DENND1A: variants seen among roughly 807,000 people sequenced by gnomAD.
The protein encoded by DENND1A is DENN domain containing 1A.
A neutral mutation model predicts 113.7 loss-of-function variants in DENND1A; 51 were observed. The ratio of observed to expected loss-of-function variants is 0.45; its 90% CI spans 0.36 to 0.57. DENND1A has a LOEUF of 0.57. DENND1A is among the 20% of genes least tolerant of loss of function. DENND1A has a pLI of 0.00. For synonymous variants in DENND1A, 565 were observed against 570.8 expected (o/e 0.99, Z 0.14); for missense variants, 1,258 against 1,395.9 (o/e 0.90, Z 1.57).
intron 13 of DENND1A, among the ~76,000 whole-genome samples, chr9:123,493,553 A>C (rs1363264829): frequency 6.6e-6 from 1 of 151,968 alleles, no homozygotes; most frequent in Non-Finnish European, 1.5e-5. Flanking sequence ...GATGTCAGAC[A>C]CTCCTTCATC....
At chr9:123,607,555 T>A (rs1334106324) in intron 11 of DENND1A, among the ~76,000 whole-genome samples, 46 of 130,216 alleles carry the variant, frequency 3.5e-4, no homozygotes, top group Non-Finnish European at 5.8e-4. Context: ...AGAGTGTGTG[T>A]GTGTGTGTGT....
At chr9:123,747,965 G>A (rs755557457) in intron 5 of DENND1A, among the ~76,000 whole-genome samples, 31 of 151,138 alleles carry the variant, frequency 2.1e-4, no homozygotes, top group Admixed American at 7.9e-4. Flanking sequence ...CACATGTTAA[G>A]ATAAAAAAAA....
At chr9:123,397,947 C>A (rs370600948) in intron 21 of DENND1A, among the ~76,000 whole-genome samples, 1 of 152,152 alleles carries the variant, frequency 6.6e-6, no homozygotes, top group South Asian at 2.1e-4. Flanking sequence ...CCAGTCAAGA[C>A]CCTCGTGTGA....
chr9:123,729,860 A>G (rs977192366), intron 5 of DENND1A, among the ~76,000 whole-genome samples: 4 of 152,216 alleles, frequency 2.6e-5, no homozygotes, highest in African/African-American at 9.6e-5. Flanking sequence ...TTCAAACTAT[A>G]CTATAAGGCT....
At chr9:123,447,151 C>A (rs1197025015) in intron 18 of DENND1A, among the ~76,000 whole-genome samples, 4 of 152,232 alleles carry the variant, frequency 2.6e-5, no homozygotes, top group African/African-American at 9.6e-5. Flanking sequence ...GCACTACACT[C>A]TTCCTTAGAA....
At chr9:123,592,319 C>T (rs1367575584) in intron 11 of DENND1A, among the ~76,000 whole-genome samples, 2 of 152,178 alleles carry the variant, frequency 1.3e-5, no homozygotes, top group Non-Finnish European at 2.9e-5. Flanking sequence ...TACCACCAAG[C>T]GATTGTTCTT....
intron 18 of DENND1A, among the ~76,000 whole-genome samples, chr9:123,447,432 A>G (rs547014657): frequency 6.6e-6 from 1 of 152,344 alleles, no homozygotes; most frequent in African/African-American, 2.4e-5. Context: ...AATCTGCAGC[A>G]CAAATGAACA....
chr9:123,532,690 G>A (rs1389205574), intron 13 of DENND1A, among the ~76,000 whole-genome samples: 1 of 152,144 alleles, frequency 6.6e-6, no homozygotes, highest in Non-Finnish European at 1.5e-5. Flanking sequence ...TTACCCAACT[G>A]CCCTTAAAAT....
chr9:123,704,028 G>C (rs902405468), intron 5 of DENND1A, among the ~76,000 whole-genome samples: 1 of 151,722 alleles, frequency 6.6e-6, no homozygotes, highest in Non-Finnish European at 1.5e-5. Flanking sequence ...TGGAAGATTA[G>C]ATATTTTTAA....
intron 19 of DENND1A, among the ~76,000 whole-genome samples, chr9:123,415,279 A>G (rs1398741707): frequency 6.6e-6 from 1 of 152,116 alleles, no homozygotes. Flanking sequence ...GGATCCTGTC[A>G]CCAGAGGAAA....
chr9:123,691,172 C>T (rs2065167790), intron 5 of DENND1A, among the ~76,000 whole-genome samples: 1 of 152,172 alleles, frequency 6.6e-6, no homozygotes, highest in Non-Finnish European at 1.5e-5. Flanking sequence ...TTCATACAAA[C>T]ATTTAGTAAG....
At chr9:123,505,307 G>C (rs184114530) in intron 13 of DENND1A, among the ~76,000 whole-genome samples, 72 of 152,348 alleles carry the variant, frequency 4.7e-4, no homozygotes, top group African/African-American at 1.7e-3. Context: ...GGTTGCTATA[G>C]TGGAGATGTA....
intron 16 of DENND1A, among the ~76,000 whole-genome samples, chr9:123,453,734 A>G (rs2047906638): frequency 6.6e-6 from 1 of 152,234 alleles, no homozygotes. Context: ...AACTGCCCAC[A>G]TTAGAAATTT....
At chr9:123,440,167 C>T in intron 19 of DENND1A, 193 bp downstream of exon 19, 2 of 616,598 alleles carry the variant, frequency 3.2e-6, no homozygotes, top group South Asian at 2.1e-5. Flanking sequence ...CGTGCTGTCT[C>T]CTCAAAATTT....
At chr9:123,516,669 C>T (rs578152036) in intron 13 of DENND1A, among the ~76,000 whole-genome samples, 21 of 151,948 alleles carry the variant, frequency 1.4e-4, no homozygotes, top group Admixed American at 6.6e-4. Flanking sequence ...GGGCAGATCA[C>T]GAGGTCAGGA....
intron 5 of DENND1A, among the ~76,000 whole-genome samples, chr9:123,690,991 T>C (rs2065156079): frequency 6.6e-6 from 1 of 152,224 alleles, no homozygotes; most frequent in Non-Finnish European, 1.5e-5. Flanking sequence ...AGGTTTTCAG[T>C]GACCTTTCCT....
chr9:123,449,489 C>T (rs1177384325), intron 18 of DENND1A, among the ~76,000 whole-genome samples: 1 of 149,654 alleles, frequency 6.7e-6, no homozygotes, highest in Non-Finnish European at 1.5e-5. Flanking sequence ...GAGCCGAGAT[C>T]GCGCCATTGC....
At chr9:123,639,454 C>CA (rs1170557545) in intron 9 of DENND1A, among the ~76,000 whole-genome samples, 25,729 of 76,230 alleles carry the variant, frequency 0.34, 4,321 homozygotes, top group African/African-American at 0.44. Context: ...AACCCCCTAC[C>CA]AAAAAAAAAA....
chr9:123,638,595 G>A (rs1441805165), intron 9 of DENND1A, among the ~76,000 whole-genome samples: 5 of 152,106 alleles, frequency 3.3e-5, no homozygotes, highest in Admixed American at 2.0e-4. Context: ...TCAGCCTCCC[G>A]AGTAGCTGGG....
Sources: gnomAD v4.1 joint callset for allele counts (sites outside exome capture counted in the v4.1 genomes callset) on GRCh38, gnomAD v4.1.1 for gene constraint, MANE v1.5 for transcripts, NCBI Gene and HGNC (gene_info 2026-07-23, HGNC 2026-07-21) for gene names.